MR1: variants seen among roughly 807,000 people sequenced by gnomAD.
MR1 encodes major histocompatibility complex, class I-related.
Under a neutral mutation model 37.8 loss-of-function variants are expected in MR1, and 44 were observed. That is an observed-to-expected ratio of 1.16 (90% CI 0.91 to 1.50). The LOEUF (loss-of-function observed/expected upper bound fraction) is 1.50, where lower values mean the gene tolerates loss of function less well. MR1 is among the 40% of genes most tolerant of loss of function. The pLI is 0.00. For missense variants in MR1, 386 were observed against 419.1 expected (o/e 0.92, Z 0.69); for synonymous variants, 153 against 155.8 (o/e 0.98, Z 0.13).
chr1:181,041,888 C>T (rs1657572246), intron 1 of MR1, among the ~76,000 whole-genome samples: 2 of 152,120 alleles, frequency 1.3e-5, no homozygotes, highest in African/African-American at 4.8e-5. Context: ...GTGTAGACTC[C>T]ATGAGGGCAG....
intron 1 of MR1, among the ~76,000 whole-genome samples, chr1:181,035,060 A>G (rs1657199794): frequency 1.3e-5 from 2 of 152,118 alleles, no homozygotes; most frequent in Non-Finnish European, 2.9e-5. Flanking sequence ...TAGCACGTTG[A>G]GAGGCCGAGG....
chr1:181,050,341 C>T lies in MR1; in HGVS notation c.604+55C>T, dbSNP rs777869481. 26 of 1,602,504 alleles carry T rather than the reference C, an allele frequency of 1.6e-5. No individual in the cohort carries two copies. In the African/African-American group the frequency reaches 1.9e-4, roughly 12 times the overall value. On this transcript the variant is annotated intron_variant, in intron 3 of 5. Coordinates refer to ENST00000367580, the MANE Select transcript of MR1 (RefSeq NM_001385161.1). ...CATTGCCTGAACAACTGTTTTTATA[C>T]GTAACTCTTTTAATCTAGGTTATAT... is the stretch of plus-strand genomic sequence containing the variant.
rs1010892481 is a variant in MR1 at position 181,053,674 on chromosome 1, C to T, written c.982C>T (p.Arg328Ter). Residue 328 changes from arginine (R) to a stop codon, truncating the protein, a stop_gained, in exon 5 of 6, where the codon CGA becomes TGA. Coordinates refer to ENST00000367580, the MANE Select transcript of MR1 (RefSeq NM_001385161.1). LOFTEE classifies it low-confidence loss of function (END_TRUNC). ...TGTTCTAGTCTGGAGAAGAAGGCCC[C>T]GAGGTGAGAGGCACATGGAAGGGAT... ...VGVLVWRRRP[R>*]EQNGAIYLPT... 13 of 1,609,728 alleles carry T rather than the reference C, an allele frequency of 8.1e-6. No homozygotes were observed. The highest frequency in any genetic ancestry group is 2.7e-5 in the African/African-American group (2 of 74,806).
chr1:181,033,744 A>G (rs1657126867), upstream of MR1: 1 of 343,634 alleles, frequency 2.9e-6, no homozygotes, highest in South Asian at 6.0e-5. Context: ...GAACATGACT[A>G]TGCTCCATAA....
chr1:181,051,653 T>C (rs1324102924), intron 3 of MR1, among the ~76,000 whole-genome samples: 1 of 152,180 alleles, frequency 6.6e-6, no homozygotes. Flanking sequence ...GGTACTTCTT[T>C]GGTGTCACTG....
Position 181,059,354 on chromosome 1 carries a change from C to T in MR1, c.*4089C>T, listed in dbSNP as rs1658795720. 1 of 152,328 alleles carries T rather than the reference C, an allele frequency of 6.6e-6. No individual in the cohort carries two copies. The highest frequency in any genetic ancestry group is 1.5e-5 in the Non-Finnish European group (1 of 68,132). The allele number at this position is 152,328 out of a possible 1,614,324, so 9.4% of individuals were successfully genotyped here. A position where few individuals can be genotyped will look rare whatever the true frequency, so the allele number is the denominator to read the frequency against. On this transcript the variant is annotated 3_prime_UTR_variant, in exon 6 of 6. Coordinates refer to ENST00000367580, the MANE Select transcript of MR1 (RefSeq NM_001385161.1). ...CTCCCTTTCTCCATTGTCCTTCTAGCTTCTGGTTGCCCCAAACCCCACAGA... is the reference window on the plus strand; with the variant it reads ...CTCCCTTTCTCCATTGTCCTTCTAGTTTCTGGTTGCCCCAAACCCCACAGA...
Position 181,049,443 on chromosome 1 carries a change from G to C in MR1, c.328+131G>C, listed in dbSNP as rs953298388. ...TTGGCAAAGCCTGAGGAATCAGGTT[G>C]GTGGAGTTCAGGGCCTCCCATCTGC... On this transcript the variant is annotated intron_variant, in intron 2 of 5. Coordinates refer to ENST00000367580, the MANE Select transcript of MR1 (RefSeq NM_001385161.1). 4 of 1,191,886 alleles carry C rather than the reference G, an allele frequency of 3.4e-6. No homozygotes were observed. In the African/African-American group the frequency reaches 6.2e-5, roughly 18 times the overall value. The allele number at this position is 1,191,886 out of a possible 1,614,324, so 73.8% of individuals were successfully genotyped here.
intron 1 of MR1, among the ~76,000 whole-genome samples, chr1:181,047,625 C>T (rs1334262805): frequency 1.4e-5 from 2 of 140,642 alleles, no homozygotes; most frequent in Admixed American, 7.1e-5. Context: ...AGGCTGGGCA[C>T]GGTGGTTCAC....
At chr1:181,038,396 C>A (rs555787923) in intron 1 of MR1, among the ~76,000 whole-genome samples, 15 of 152,346 alleles carry the variant, frequency 9.8e-5, no homozygotes, top group African/African-American at 3.6e-4. Flanking sequence ...CTTCTCCCCT[C>A]ATTCCCACGA....
intron 3 of MR1, among the ~76,000 whole-genome samples, 166 bp from the exon 4 acceptor site, chr1:181,052,069 G>A (rs1012299528): frequency 2.6e-5 from 4 of 152,296 alleles, no homozygotes; most frequent in Admixed American, 6.5e-5. Flanking sequence ...CATCATGGAA[G>A]GTATACGTAA....
chr1:181,054,270 G>A (rs1268651129), intron 5 of MR1, among the ~76,000 whole-genome samples: 1 of 152,172 alleles, frequency 6.6e-6, no homozygotes, highest in Non-Finnish European at 1.5e-5. Context: ...ATGACCTACT[G>A]TGCTCCAGGC....
In MR1 at chr1:181,055,325, C is replaced by A; in HGVS notation, c.*60C>A. Reference sequence around the variant, plus strand: ...AGGAGCCATGTTATCCTCTGTCCCCCATAGAGTCAAGCCTAGTGCTTGAAG... The same window carrying A: ...AGGAGCCATGTTATCCTCTGTCCCCAATAGAGTCAAGCCTAGTGCTTGAAG... On this transcript the variant is annotated 3_prime_UTR_variant, in exon 6 of 6. Transcript: ENST00000367580. 5 of 1,504,114 alleles carry A rather than the reference C, an allele frequency of 3.3e-6. No homozygotes were observed. In the South Asian group the frequency reaches 5.7e-5, roughly 17 times the overall value. The allele number at this position is 1,504,114 out of a possible 1,614,324, so 93.2% of individuals were successfully genotyped here.
intron 3 of MR1, chr1:181,050,902 T>A (rs188200744): frequency 1.3e-5 from 2 of 154,190 alleles, no homozygotes; most frequent in East Asian, 3.8e-4. Flanking sequence ...GGTGGGAGGA[T>A]CTCTTGAGCC....
intron 4 of MR1, among the ~76,000 whole-genome samples, chr1:181,053,225 CACA>C (rs1244071042): frequency 4.0e-5 from 6 of 151,888 alleles, no homozygotes; most frequent in Non-Finnish European, 5.9e-5. Context: ...CTACAAAAAA[CACA>C]ACAATTAGCT....
intron 1 of MR1, among the ~76,000 whole-genome samples, chr1:181,039,832 C>T (rs1247119301): frequency 6.8e-6 from 1 of 147,008 alleles, no homozygotes; most frequent in Non-Finnish European, 1.5e-5. Context: ...TGCCACTGCA[C>T]TCCAGCCTGG....
upstream of MR1, chr1:181,033,840 C>A: frequency 1.8e-6 from 1 of 562,434 alleles, no homozygotes; most frequent in Non-Finnish European, 3.1e-6. Context: ...TAAAAGTTAC[C>A]GAAGAAGGTG....
chr1:181,050,655 A>G (rs919535313), intron 3 of MR1: 13 of 277,616 alleles, frequency 4.7e-5, no homozygotes, highest in African/African-American at 1.1e-4. Context: ...TAGGAGTAAA[A>G]ATCTGGATTT....
chr1:181,049,985 C>G (rs781196398), intron 2 of MR1, 26 bp from the exon 3 acceptor site: 10 of 1,604,976 alleles, frequency 6.2e-6, no homozygotes, highest in Non-Finnish European at 8.5e-6. Context: ...TGTGTGGACC[C>G]CTCTGGGCTT....
rs751056986 is a variant in MR1, at chr1:181,055,260, C to G, written c.1021C>G (p.Arg341Gly). 1.2e-6 allele frequency: 2 copies of G among 1,612,942 alleles called. No homozygotes were observed. The highest frequency in any genetic ancestry group is 1.3e-5 in the African/African-American group (1 of 75,014). ...NGAIYLPTPD[R>G] ...AGCCATCTACCTTCCAACACCAGATCGATGATTGCAGATCCCTCTTTTCCA... is the reference window on the plus strand; with the variant it reads ...AGCCATCTACCTTCCAACACCAGATGGATGATTGCAGATCCCTCTTTTCCA... The change falls in exon 6 of 6, where the codon CGA becomes GGA. Residue 341 changes from arginine to glycine, a missense_variant. Transcript: ENST00000367580.
Sources: gnomAD v4.1 joint callset for allele counts (sites outside exome capture counted in the v4.1 genomes callset) on GRCh38, gnomAD v4.1.1 for gene constraint, MANE v1.5 for transcripts, NCBI Gene and HGNC (gene_info 2026-07-23, HGNC 2026-07-21) for gene names.